HRH1: variants seen among roughly 807,000 people sequenced by gnomAD.
The protein encoded by HRH1 is histamine H1 receptor.
Under a neutral mutation model 10.3 loss-of-function variants are expected in HRH1, and 6 were observed. That is an observed-to-expected ratio of 0.58 (90% CI 0.32 to 1.15). The LOEUF (loss-of-function observed/expected upper bound fraction) is 1.15. Among genes scored for constraint, HRH1 ranks in the 50% most tolerant of loss-of-function variants. HRH1 has a pLI of 0.05. For synonymous variants in HRH1, 242 were observed against 236.7 expected (o/e 1.02, Z -0.21); for missense variants, 514 against 615.3 (o/e 0.84, Z 1.74).
At chr3:11,234,598 A>G in intron 1 of HRH1, 1 of 1,436,698 alleles carries the variant, frequency 7.0e-7, no homozygotes, top group East Asian at 2.3e-5. Context: ...ATCAGCCACC[A>G]ATTCTGCATT....
intron 1 of HRH1, among the ~76,000 whole-genome samples, chr3:11,201,594 C>T (rs1348251757): frequency 6.6e-6 from 1 of 152,056 alleles, no homozygotes; most frequent in African/African-American, 2.4e-5. Flanking sequence ...TTCATAAGGA[C>T]CTGAGGTTAA....
chr3:11,170,895 T>A (rs1937138372), intron 1 of HRH1, among the ~76,000 whole-genome samples: 1 of 151,996 alleles, frequency 6.6e-6, no homozygotes, highest in Admixed American at 6.6e-5. Flanking sequence ...TGTGAGGAGA[T>A]AGGTTAAAGT....
intron 1 of HRH1, among the ~76,000 whole-genome samples, chr3:11,145,595 A>T (rs1261023259): frequency 2.0e-5 from 3 of 152,170 alleles, no homozygotes; most frequent in African/African-American, 7.2e-5. Context: ...GAGATTTTTT[A>T]AATTGAGGGA....
intron 1 of HRH1, among the ~76,000 whole-genome samples, chr3:11,231,723 T>C (rs532224750): frequency 2.0e-5 from 3 of 152,368 alleles, no homozygotes; most frequent in Admixed American, 6.5e-5. Flanking sequence ...GTTCTTTATA[T>C]ATTCTGAATA....
intron 1 of HRH1, among the ~76,000 whole-genome samples, chr3:11,172,700 G>A (rs1286927402): frequency 2.4e-5 from 3 of 127,424 alleles, no homozygotes; most frequent in African/African-American, 1.1e-4. Flanking sequence ...GGCTTTTGGC[G>A]AATCTTTTTT....
chr3:11,151,510 G>A (rs1168239333), upstream of HRH1, among the ~76,000 whole-genome samples: 2 of 83,624 alleles, frequency 2.4e-5, no homozygotes, highest in Admixed American at 1.0e-4. Context: ...GGGGGGCGGT[G>A]GTGGTGGGTA....
At chr3:11,184,003 G>T (rs1937407334) in intron 1 of HRH1, among the ~76,000 whole-genome samples, 1 of 151,846 alleles carries the variant, frequency 6.6e-6, no homozygotes, top group African/African-American at 2.4e-5. Flanking sequence ...TCCATGCCTG[G>T]GACCTCCTAA....
At chr3:11,220,869 A>G (rs891281236) in intron 1 of HRH1, among the ~76,000 whole-genome samples, 3 of 152,026 alleles carry the variant, frequency 2.0e-5, no homozygotes, top group Non-Finnish European at 4.4e-5. Context: ...TATGTCAATA[A>G]CAAAAAAAGA....
intron 1 of HRH1, among the ~76,000 whole-genome samples, chr3:11,155,379 A>C (rs944172145): frequency 1.3e-5 from 2 of 152,164 alleles, no homozygotes; most frequent in Non-Finnish European, 2.9e-5. Context: ...AGTTGCTCTC[A>C]GTTTTTCTCG....
chr3:11,159,406 T>A lies in HRH1; in HGVS notation c.-36+4852T>A, dbSNP rs144580293. 7.9e-5 allele frequency among the ~76,000 whole-genome samples: 12 copies of A among 152,276 alleles called. No individual in the cohort carries two copies. The East Asian group carries it at 2.1e-3, about 27-fold the overall frequency. ...TCCTTTCTATTCCCAGTTTGCTGAGTGTTTCTTTTCTTTTTAGTTATAAAT... is the reference window on the plus strand; with the variant it reads ...TCCTTTCTATTCCCAGTTTGCTGAGAGTTTCTTTTCTTTTTAGTTATAAAT... On this transcript the variant is annotated intron_variant, in intron 1 of 1. Transcript: ENST00000431010.
chr3:11,225,967 A>G (rs1194925867), intron 1 of HRH1: 2 of 152,408 alleles, frequency 1.3e-5, no homozygotes, highest in Admixed American at 1.3e-4. Flanking sequence ...AGGAAGTGAC[A>G]TCAGAACTGG....
intron 1 of HRH1, among the ~76,000 whole-genome samples, chr3:11,219,959 T>TG (rs1309723757): frequency 6.6e-6 from 1 of 150,640 alleles, no homozygotes; most frequent in Non-Finnish European, 1.5e-5. Context: ...TGTTTTTTTT[T>TG]TTTTTTTTTT....
At chr3:11,143,886 G>A (rs1303119529) in intron 1 of HRH1, among the ~76,000 whole-genome samples, 1 of 152,114 alleles carries the variant, frequency 6.6e-6, no homozygotes, top group Non-Finnish European at 1.5e-5. Flanking sequence ...ATCCCAAAAT[G>A]CATGTCCTCC....
At chr3:11,176,480 G>A (rs1438512682) in intron 1 of HRH1, among the ~76,000 whole-genome samples, 1 of 152,100 alleles carries the variant, frequency 6.6e-6, no homozygotes, top group Non-Finnish European at 1.5e-5. Context: ...GGGTGGGGTG[G>A]GGTCTGAGGA....
chr3:11,137,433 G>A (rs1936203267), intron 1 of HRH1: 1 of 152,780 alleles, frequency 6.5e-6, no homozygotes, highest in Admixed American at 6.5e-5. Flanking sequence ...CTCCGCTGGG[G>A]CGTGGGGAAG....
chr3:11,151,526 T>A (rs937264408), upstream of HRH1, among the ~76,000 whole-genome samples: 1 of 151,908 alleles, frequency 6.6e-6, no homozygotes, highest in East Asian at 1.9e-4. Flanking sequence ...GGGTACAGGG[T>A]CTTGGTCTGT....
intron 1 of HRH1, among the ~76,000 whole-genome samples, chr3:11,246,064 ACTCT>A (rs911639862): frequency 6.6e-6 from 1 of 151,616 alleles, no homozygotes; most frequent in African/African-American, 2.4e-5. Context: ...ATACACACAG[ACTCT>A]CACACACAAT....
At position 11,154,844 on chromosome 3, in the gene HRH1, GCGTC is replaced by G. The variant is rs938158974; in HGVS notation, c.-36+295_-36+298del. 2.2e-4 allele frequency among the ~76,000 whole-genome samples: 33 copies of G among 152,302 alleles called. No individual in the cohort carries two copies. The highest frequency in any genetic ancestry group is 7.5e-4 in the African/African-American group (31 of 41,586). On this transcript the variant is annotated intron_variant, in intron 1 of 1. Coordinates refer to ENST00000431010, the MANE Select transcript of HRH1 (RefSeq NM_001098212.2). The surrounding 1 kb of genome is among the most constrained non-coding windows in gnomAD (Gnocchi z 4.4). Reference sequence around the variant, plus strand: ...GGCTTGGGCAGGGTGCGCGCCCTGAGCGTCCGTCTTTGAGCTCGGGCGAGCAGAG... The same window carrying G: ...GGCTTGGGCAGGGTGCGCGCCCTGAGCGTCTTTGAGCTCGGGCGAGCAGAG...
intron 1 of HRH1, among the ~76,000 whole-genome samples, chr3:11,215,565 C>T (rs1938461121): frequency 6.6e-6 from 1 of 152,196 alleles, no homozygotes; most frequent in Non-Finnish European, 1.5e-5. Context: ...CTCAGCCTCC[C>T]AAGTAGCTGG....
Sources: gnomAD v4.1 joint callset for allele counts (sites outside exome capture counted in the v4.1 genomes callset) on GRCh38, gnomAD v4.1.1 for gene constraint, Gnocchi (gnomAD v3.1) non-coding constraint, MANE v1.5 for transcripts, NCBI Gene and HGNC (gene_info 2026-07-23, HGNC 2026-07-21) for gene names.